GATA2: variants seen among roughly 807,000 people sequenced by gnomAD.
The protein encoded by GATA2 is GATA binding protein 2.
Under a neutral mutation model 35.7 loss-of-function variants are expected in GATA2, and 6 were observed. The observed-to-expected ratio is 0.17, with a 90% confidence interval of 0.09 to 0.33. The LOEUF (loss-of-function observed/expected upper bound fraction) is 0.33, where lower values mean the gene tolerates loss of function less well. Among genes scored for constraint, GATA2 ranks in the 10% least tolerant of loss-of-function variants. The pLI is 1.00. For synonymous variants in GATA2, 313 were observed against 274.9 expected, an observed-to-expected ratio of 1.14 and a Z score of -1.37; for missense variants, 541 against 656.6, an observed-to-expected ratio of 0.82 and a Z score of 1.92.
chr3:128,483,964 G>C lies in GATA2; in HGVS notation c.913C>G (p.Leu305Val). 1 of 1,614,088 alleles carries C rather than the reference G, an allele frequency of 6.2e-7. No homozygotes were observed. The highest frequency in any genetic ancestry group is 1.7e-5 in the Admixed American group (1 of 60,032). ...TGGCCGGTGCCGTCCCGCCGCCAGA[G>C]AGGGGTGGCTGTGGCCCCACAGTTG... ...CVNCGATATP[L>V]WRRDGTGHYL... The change falls in exon 4 of 6, where the codon CTC becomes GTC. Residue 305 changes from leucine to valine, a missense_variant. Around this residue, in one of 5 missense-constraint regions of GATA2, gnomAD observed 15 missense variants for 59.5 expected, o/e 0.25. Coordinates refer to ENST00000341105, the MANE Select transcript of GATA2 (RefSeq NM_032638.5).
At position 128,491,830 on chromosome 3, in the gene GATA2, G is replaced by A. The variant is rs543097358; in HGVS notation, c.-46+1069C>T. ...CCGCGGAACCCTGCTGAGACCCGGA[G>A]ACAATCGGGCCGTGCTTCTCCCTCC... On this transcript the variant is annotated intron_variant, in intron 1 of 5. Transcript: ENST00000341105. Among the ~76,000 whole-genome samples, 31 of 152,290 alleles carry A rather than the reference G, an allele frequency of 2.0e-4. 1 individual carries two copies. The South Asian group carries it at 6.4e-3, about 32-fold the overall frequency.
Position 128,481,726 on chromosome 3 carries a change from A to C in GATA2, c.1143+93T>G. 1.3e-6 allele frequency: 2 copies of C among 1,481,746 alleles called. 1 individual carries two copies. Among genetic ancestry groups the C allele is most frequent in the South Asian group, 2.5e-5 (2 of 80,164 alleles). 91.8% of individuals were successfully genotyped at this position (1,481,746 alleles called of 1,614,324 possible). ...GGCAGCAGCTTCCCAAGCCAAGCCA[A>C]GCTGGATATTGTGGCTGGGGCCTCT... On this transcript the variant is annotated intron_variant, in intron 5 of 5. Transcript: ENST00000341105.
At chr3:128,491,488 C>T (rs564545660) in intron 1 of GATA2, among the ~76,000 whole-genome samples, 5 of 152,048 alleles carry the variant, frequency 3.3e-5, no homozygotes, top group Non-Finnish European at 7.4e-5. Flanking sequence ...GGTGCCTTAG[C>T]AGATGGGTTC....
chr3:128,485,895 T>C lies in GATA2; in HGVS notation c.703A>G (p.Thr235Ala), dbSNP rs988409355. ...TGTGTAGCAGGCTGGGTGCCCATAGTAGCTAGGCCTGGGCGCAGGGGACTG... is the reference window on the plus strand; with the variant it reads ...TGTGTAGCAGGCTGGGTGCCCATAGCAGCTAGGCCTGGGCGCAGGGGACTG... Reference protein sequence around the residue: ...SGSPLRPGLATMGTQPATHHP... With the variant: ...SGSPLRPGLAAMGTQPATHHP... The change falls in exon 3 of 6, where the codon ACT (threonine) becomes GCT (alanine). Residue 235 changes from threonine (T) to alanine (A), a missense_variant. Physicochemically the swap from Thr to Ala is moderately conservative, Grantham distance 58. Around this residue, in one of 5 missense-constraint regions of GATA2, gnomAD observed 389 missense variants for 396.9 expected, o/e 0.98. Coordinates refer to ENST00000341105, the MANE Select transcript of GATA2 (RefSeq NM_032638.5). 1 of 1,613,966 alleles carries C rather than the reference T, an allele frequency of 6.2e-7. No individual in the cohort carries two copies. Among genetic ancestry groups the C allele is most frequent in the African/African-American group, 1.3e-5 (1 of 74,900 alleles).
chr3:128,487,872 GCTCCGGCCCCTCGGCATC>G (rs1404479068), intron 1 of GATA2: 1 of 152,514 alleles, frequency 6.6e-6, no homozygotes, highest in African/African-American at 2.4e-5. Flanking sequence ...GGCCCTCCCG[GCTCCGGCCCCTCGGCATC>G]CTCCGGCCGC....
chr3:128,487,318 G>T (rs2068716835), intron 1 of GATA2, among the ~76,000 whole-genome samples: 2 of 152,226 alleles, frequency 1.3e-5, no homozygotes, highest in Admixed American at 1.3e-4. Context: ...ATGGGGTCAC[G>T]CCCGGGGACG....
intron 1 of GATA2, among the ~76,000 whole-genome samples, chr3:128,491,551 C>CG (rs961084598): frequency 1.3e-4 from 20 of 152,112 alleles, no homozygotes; most frequent in Admixed American, 5.2e-4. Context: ...GCCATCCCTC[C>CG]GGGGGGGTTC....
chr3:128,489,441 G>A (rs1420365332), intron 1 of GATA2: 1 of 152,406 alleles, frequency 6.6e-6, no homozygotes, highest in Admixed American at 6.5e-5. Flanking sequence ...GGGGGGCGCA[G>A]AGCTCCATTG....
In GATA2 at chr3:128,481,163, C is replaced by T; in HGVS notation, c.1299G>A (p.Leu433=). Residue 433 remains leucine (L), a synonymous_variant, in exon 6 of 6, where the codon CTG becomes CTA. Transcript: ENST00000341105. ...EKSSPFSAAA[L]AGHMAPVGHL... ...GGCCCACAGGTGCCATGTGTCCAGC[C>T]AGGGCAGCTGCACTGAAGGGGGATG... 6.2e-7 allele frequency: 1 copy of T among 1,614,234 alleles called. No individual in the cohort carries two copies. The highest frequency in any genetic ancestry group is 2.2e-5 in the East Asian group (1 of 44,890).
rs947420881 is a variant in GATA2 at position 128,483,932 on chromosome 3, C to G, written c.945G>C (p.Leu315=). 5 of 1,614,028 alleles carry G rather than the reference C, an allele frequency of 3.1e-6. No homozygotes were observed. The African/African-American group carries it at 6.7e-5, about 22-fold the overall frequency. Residue 315 remains leucine, a synonymous_variant, in exon 4 of 6, where the codon CTG becomes CTC. Transcript: ENST00000341105. ...TGTGGTAGAGGCCACAGGCATTGCA[C>G]AGGTAGTGGCCGGTGCCGTCCCGCC... ...LWRRDGTGHY[L]CNACGLYHKM...
chr3:128,492,542 C>T (rs2068790292), intron 1 of GATA2, among the ~76,000 whole-genome samples: 1 of 152,160 alleles, frequency 6.6e-6, no homozygotes, highest in African/African-American at 2.4e-5. Flanking sequence ...CGGCCCGGCT[C>T]GGACGCATCC....
intron 1 of GATA2, chr3:128,490,092 C>T (rs893384467): frequency 6.6e-6 from 1 of 152,250 alleles, no homozygotes; most frequent in African/African-American, 2.4e-5. Context: ...TTTCTCCCAC[C>T]GGCGCGGTAA....
intron 1 of GATA2, chr3:128,489,756 T>A (rs974198921): frequency 6.6e-6 from 1 of 152,218 alleles, no homozygotes; most frequent in African/African-American, 2.4e-5. Context: ...TCCGTCTGTC[T>A]CTCAACTTTT....
Position 128,486,996 on chromosome 3 carries a change from C to T in GATA2, c.36G>A (p.Ala12=). The change falls in exon 2 of 6, where the codon GCG becomes GCA. Residue 12 remains alanine (A), a synonymous_variant. Transcript: ENST00000341105. The stretch of plus-strand genomic sequence containing the variant: ...GCTGCGCATTCAGCACGGCCGGGTG[C>T]GCCATCCAGCGCGGCTGCTCGGGCG... ...EVAPEQPRWM[A]HPAVLNAQHP... The T allele has an allele frequency of 3.7e-6, 6 of 1,603,012 alleles. No homozygotes were observed. Among genetic ancestry groups the T allele is most frequent in the Non-Finnish European group, 5.1e-6 (6 of 1,174,976 alleles).
intron 2 of GATA2, among the ~76,000 whole-genome samples, 160 bp downstream of exon 2, chr3:128,486,643 C>G (rs2068703492): frequency 2.6e-5 from 4 of 152,130 alleles, no homozygotes; most frequent in Admixed American, 2.6e-4. Flanking sequence ...GGTCCCAGAC[C>G]CTCCCCAATC....
rs779512297 is a variant in GATA2, at chr3:128,480,337, T to C, written c.*682A>G. ...CCAAGGGAGCGATCTGGGAGACGTT[T>C]CCCCTTTCAAGAAAATGTTGTTTCC... On this transcript the variant is annotated 3_prime_UTR_variant, in exon 6 of 6. Transcript: ENST00000341105. The C allele has an allele frequency of 1.7e-5, 4 of 233,292 alleles. No individual in the cohort carries two copies. The highest frequency in any genetic ancestry group is 6.6e-5 in the African/African-American group (3 of 45,356). The allele number at this position is 233,292 out of a possible 1,614,324, so 14.5% of individuals were successfully genotyped here. A position where few individuals can be genotyped will look rare whatever the true frequency, so the allele number is the denominator to read the frequency against.
rs148024280 is a variant in GATA2 at position 128,485,751 on chromosome 3, G to A, written c.847C>T (p.Arg283Cys). Residue 283 changes from arginine (R) to cysteine (C), a missense_variant, in exon 3 of 6, where the codon CGC (arginine) becomes TGC (cysteine). By Grantham distance (180) the Arg-to-Cys change is radical (BLOSUM62 -3). This residue lies in a region of GATA2 where 389 missense variants were observed against 396.9 expected (regional missense o/e 0.98). Coordinates refer to ENST00000341105, the MANE Select transcript of GATA2 (RefSeq NM_032638.5). ...CCTGAACAGGAACGAGCCTTGCTGC[G>A]CTGCTTAGGGGTGAAGCTGGAGGCC... ...GPASSFTPKQ[R>C]SKARSCSEGR... The A allele has an allele frequency of 2.5e-6, 4 of 1,613,842 alleles. No individual in the cohort carries two copies. Among genetic ancestry groups the A allele is most frequent in the African/African-American group, 2.7e-5 (2 of 75,012 alleles).
chr3:128,491,214 C>CAA (rs1461966338), intron 1 of GATA2, among the ~76,000 whole-genome samples: 1 of 128,542 alleles, frequency 7.8e-6, no homozygotes, highest in Non-Finnish European at 1.7e-5. Flanking sequence ...TCCAGCCCCC[C>CAA]CCCCCCTCTG....
At chr3:128,491,307 C>T (rs183607322) in intron 1 of GATA2, among the ~76,000 whole-genome samples, 48 of 151,548 alleles carry the variant, frequency 3.2e-4, no homozygotes, top group Admixed American at 2.4e-3. Flanking sequence ...TAATTCTTCT[C>T]GCCTTTTCCT....
Sources: allele counts gnomAD v4.1 joint callset (sites outside exome capture counted in the v4.1 genomes callset), GRCh38; gene constraint gnomAD v4.1.1; regional missense constraint gnomAD v4.1.1; transcripts MANE v1.5; gene names NCBI Gene and HGNC (gene_info 2026-07-23, HGNC 2026-07-21).